NAV2: variants seen among roughly 807,000 people sequenced by gnomAD.
NAV2 encodes the protein helicase, APC down-regulated 1.
NAV2 carries 54 observed loss-of-function variants against 223.2 expected under a neutral mutation model. That is an observed-to-expected ratio of 0.24 (90% CI 0.19 to 0.30). The LOEUF (loss-of-function observed/expected upper bound fraction) is 0.30. NAV2 is among the 10% of genes least tolerant of loss of function. The probability of loss-of-function intolerance (pLI) is 1.00; values close to 1 mark genes in which losing one functional copy is unlikely to be tolerated. For missense variants in NAV2, 2,806 were observed against 3,147.5 expected, an observed-to-expected ratio of 0.89 and a Z score of 2.60; for synonymous variants, 1,279 against 1,239.3, an observed-to-expected ratio of 1.03 and a Z score of -0.67.
intron 7 of NAV2, among the ~76,000 whole-genome samples, chr11:19,935,318 C>T (rs893245182): frequency 3.9e-5 from 6 of 152,224 alleles, no homozygotes; most frequent in African/African-American, 7.2e-5. Context: ...AACTCAAGTG[C>T]ATACAGATGC....
At chr11:19,642,254 G>A (rs1565130020) in intron 1 of NAV2, among the ~76,000 whole-genome samples, 1 of 152,190 alleles carries the variant, frequency 6.6e-6, no homozygotes, top group African/African-American at 2.4e-5. Flanking sequence ...CCAGGGAGGA[G>A]GCCATTGTTC....
intron 1 of NAV2, among the ~76,000 whole-genome samples, chr11:19,399,807 A>G (rs1849609372): frequency 6.6e-6 from 1 of 152,208 alleles, no homozygotes; most frequent in Non-Finnish European, 1.5e-5. Context: ...GCCCTTTACC[A>G]CATATAGGGT....
At chr11:19,400,125 G>A (rs187554033) in intron 1 of NAV2, among the ~76,000 whole-genome samples, 6 of 152,312 alleles carry the variant, frequency 3.9e-5, no homozygotes, top group Middle Eastern at 3.4e-3. Context: ...GTGTAGGAAA[G>A]TGTGAATAAG....
intron 6 of NAV2, among the ~76,000 whole-genome samples, chr11:19,918,267 G>C (rs1436393229): frequency 5.9e-5 from 9 of 152,216 alleles, no homozygotes; most frequent in African/African-American, 2.2e-4. Flanking sequence ...ACTCTTGCTG[G>C]AGAAAGTTTG....
At chr11:20,021,798 C>T (rs1002995705) in intron 11 of NAV2, among the ~76,000 whole-genome samples, 4 of 152,164 alleles carry the variant, frequency 2.6e-5, no homozygotes, top group Admixed American at 2.0e-4. Flanking sequence ...GGGACTCCTT[C>T]GAGATTACAA....
intron 1 of NAV2, 48 bp downstream of exon 1, chr11:19,714,010 T>C: frequency 6.2e-7 from 1 of 1,600,004 alleles, no homozygotes. Flanking sequence ...GATGGATGAA[T>C]AGTTCTTTCG....
At chr11:19,917,801 AG>A (rs1271981484) in intron 6 of NAV2, among the ~76,000 whole-genome samples, 2 of 152,138 alleles carry the variant, frequency 1.3e-5, no homozygotes, top group African/African-American at 2.4e-5. Flanking sequence ...TAGTAGACAC[AG>A]GGTTTCGCCA....
intron 1 of NAV2, among the ~76,000 whole-genome samples, chr11:19,830,544 G>A (rs988004776): frequency 6.6e-6 from 1 of 152,206 alleles, no homozygotes; most frequent in Non-Finnish European, 1.5e-5. Context: ...GTTAACGTGT[G>A]TAAAATGTTT....
intron 1 of NAV2, among the ~76,000 whole-genome samples, chr11:19,676,020 C>A (rs1027171125): frequency 6.6e-6 from 1 of 152,182 alleles, no homozygotes; most frequent in Non-Finnish European, 1.5e-5. Context: ...GGAAGGTGAC[C>A]TTCACACTAA....
intron 3 of NAV2, among the ~76,000 whole-genome samples, chr11:19,857,580 C>A (rs2152996973): frequency 6.6e-6 from 1 of 152,240 alleles, no homozygotes; most frequent in South Asian, 2.1e-4. Context: ...CAGGTAATTG[C>A]ACTGGGTGAA....
At chr11:20,075,939 C>T (rs2059721595) in intron 22 of NAV2, among the ~76,000 whole-genome samples, 1 of 152,102 alleles carries the variant, frequency 6.6e-6, no homozygotes, top group South Asian at 2.1e-4. Flanking sequence ...TTCTACTCCC[C>T]CTGTCTACAC....
At chr11:19,688,006 C>T (rs2049071296) in intron 1 of NAV2, among the ~76,000 whole-genome samples, 1 of 152,180 alleles carries the variant, frequency 6.6e-6, no homozygotes, top group East Asian at 1.9e-4. Context: ...CAGACTCTAG[C>T]ACTGCAATCA....
intron 1 of NAV2, among the ~76,000 whole-genome samples, chr11:19,613,504 A>C (rs1048165807): frequency 1.2e-4 from 19 of 152,180 alleles, no homozygotes; most frequent in Non-Finnish European, 1.3e-4. Flanking sequence ...TAGGTGGTTG[A>C]GGAAGCAGCC....
At chr11:19,915,521 C>G (rs1000142587) in intron 6 of NAV2, among the ~76,000 whole-genome samples, 13 of 152,258 alleles carry the variant, frequency 8.5e-5, no homozygotes, top group African/African-American at 3.1e-4. Context: ...AGGCCATACT[C>G]TCTTATAATC....
intron 1 of NAV2, among the ~76,000 whole-genome samples, chr11:19,447,796 T>C (rs1389986024): frequency 6.6e-6 from 1 of 152,190 alleles, no homozygotes; most frequent in Non-Finnish European, 1.5e-5. Flanking sequence ...GGAGAAGTGC[T>C]GCTTCTGTCT....
chr11:19,949,503 C>G (rs1190348407), intron 10 of NAV2, among the ~76,000 whole-genome samples: 1 of 152,222 alleles, frequency 6.6e-6, no homozygotes. Flanking sequence ...CTCTTTCCGG[C>G]CTCACAGCCT....
At chr11:19,527,005 T>C (rs1322157925) in intron 1 of NAV2, among the ~76,000 whole-genome samples, 1 of 152,128 alleles carries the variant, frequency 6.6e-6, no homozygotes, top group Non-Finnish European at 1.5e-5. Flanking sequence ...GTTGGTTTAT[T>C]TCTCCATGCT....
At chr11:19,378,822 C>G (rs1848733418) in intron 1 of NAV2, among the ~76,000 whole-genome samples, 2 of 152,094 alleles carry the variant, frequency 1.3e-5, no homozygotes, top group Non-Finnish European at 2.9e-5. Flanking sequence ...GTCCACAAGG[C>G]AGGTCATGCA....
chr11:19,611,323 C>A (rs895634627), intron 1 of NAV2, among the ~76,000 whole-genome samples: 2 of 152,074 alleles, frequency 1.3e-5, no homozygotes, highest in Non-Finnish European at 2.9e-5. Flanking sequence ...ATCATTCCAC[C>A]CCTGGCCCCT....
Sources: allele counts gnomAD v4.1 joint callset (sites outside exome capture counted in the v4.1 genomes callset), GRCh38; gene constraint gnomAD v4.1.1; transcripts MANE v1.5; gene names NCBI Gene and HGNC (gene_info 2026-07-23, HGNC 2026-07-21).